The following DDX10 variants were observed in gnomAD, a reference collection of about 807,000 sequenced individuals.
DDX10 encodes the protein probable ATP-dependent RNA helicase DDX10.
A neutral mutation model predicts 104.3 loss-of-function variants in DDX10; 74 were observed. The observed-to-expected ratio is 0.71, with a 90% CI of 0.59 to 0.86. The LOEUF is 0.86. Among genes scored for constraint, DDX10 ranks in the 40% least tolerant of loss-of-function variants. The probability of loss-of-function intolerance (pLI) is 0.00; values close to 1 mark genes in which losing one functional copy is unlikely to be tolerated. For synonymous variants in DDX10, 351 were observed against 353.4 expected (o/e 0.99, Z 0.08); for missense variants, 952 against 1,040.0 (o/e 0.92, Z 1.16).
intron 17 of DDX10, among the ~76,000 whole-genome samples, chr11:108,922,896 C>T (rs1275944733): frequency 2.0e-5 from 3 of 152,192 alleles, no homozygotes; most frequent in Non-Finnish European, 4.4e-5. Flanking sequence ...CTAATCTACC[C>T]GCAGTACAGA....
At chr11:108,915,021 ATGAGACCTG>A (rs1238638668) in intron 16 of DDX10, among the ~76,000 whole-genome samples, 1 of 152,164 alleles carries the variant, frequency 6.6e-6, no homozygotes, top group African/African-American at 2.4e-5. Flanking sequence ...AACAGAACCT[ATGAGACCTG>A]TGAAGTAGTC....
chr11:108,927,796 C>T (rs749358147), intron 17 of DDX10, among the ~76,000 whole-genome samples: 10 of 152,126 alleles, frequency 6.6e-5, no homozygotes, highest in Admixed American at 6.6e-5. Context: ...CGCCACCATG[C>T]CTGGCTAATT....
intron 16 of DDX10, among the ~76,000 whole-genome samples, chr11:108,913,529 T>G (rs1223917887): frequency 2.6e-5 from 4 of 152,130 alleles, no homozygotes; most frequent in Non-Finnish European, 5.9e-5. Flanking sequence ...AGGAATATCC[T>G]TGTGGGCAAA....
chr11:108,828,586 T>G (rs1862428503), intron 13 of DDX10, among the ~76,000 whole-genome samples: 1 of 152,188 alleles, frequency 6.6e-6, no homozygotes, highest in Non-Finnish European at 1.5e-5. Context: ...TTTTCATTTT[T>G]CAGATCTGAA....
chr11:108,705,986 T>C (rs2134460888), intron 9 of DDX10, among the ~76,000 whole-genome samples: 1 of 152,242 alleles, frequency 6.6e-6, no homozygotes, highest in South Asian at 2.1e-4. Flanking sequence ...TTTCTTTTTT[T>C]TTTGAGACGG....
intron 13 of DDX10, among the ~76,000 whole-genome samples, chr11:108,773,901 AAAG>A (rs2094366543): frequency 6.6e-6 from 1 of 152,182 alleles, no homozygotes; most frequent in Non-Finnish European, 1.5e-5. Flanking sequence ...GAGAAGCATA[AAAG>A]AAGATGTCTT....
At chr11:108,833,178 G>A (rs1441989234) in intron 13 of DDX10, among the ~76,000 whole-genome samples, 2 of 152,306 alleles carry the variant, frequency 1.3e-5, no homozygotes, top group South Asian at 2.1e-4. Flanking sequence ...CAGTGTGTTA[G>A]CGTTTGCCAC....
At chr11:108,761,163 C>A (rs933862693) in intron 13 of DDX10, among the ~76,000 whole-genome samples, 1 of 152,012 alleles carries the variant, frequency 6.6e-6, no homozygotes, top group African/African-American at 2.4e-5. Flanking sequence ...TCTGCCTTTT[C>A]TTTTCCTAAT....
chr11:108,776,534 T>A (rs1301929654), intron 13 of DDX10, among the ~76,000 whole-genome samples: 1 of 152,072 alleles, frequency 6.6e-6, no homozygotes, highest in East Asian at 1.9e-4. Context: ...TACATAGAAT[T>A]CCAAGAACGG....
chr11:108,779,475 G>A (rs1196162745), intron 13 of DDX10, among the ~76,000 whole-genome samples: 26 of 150,104 alleles, frequency 1.7e-4, no homozygotes, highest in African/African-American at 6.1e-4. Context: ...TCATAGGTGG[G>A]AATTGAACAA....
chr11:108,780,907 A>C (rs1031453734), intron 13 of DDX10, among the ~76,000 whole-genome samples: 4 of 152,214 alleles, frequency 2.6e-5, no homozygotes, highest in African/African-American at 9.6e-5. Context: ...ATTGGACTAA[A>C]TGAAAAAACT....
intron 9 of DDX10, among the ~76,000 whole-genome samples, chr11:108,702,685 A>G (rs1328609007): frequency 6.6e-6 from 1 of 152,204 alleles, no homozygotes; most frequent in African/African-American, 2.4e-5. Context: ...TATTTTAACT[A>G]GAAATACTAG....
chr11:108,881,093 A>G (rs1863222101), intron 16 of DDX10, among the ~76,000 whole-genome samples: 1 of 152,222 alleles, frequency 6.6e-6, no homozygotes, highest in Non-Finnish European at 1.5e-5. Flanking sequence ...CCGTTTCTTA[A>G]TGCGTCACAT....
intron 13 of DDX10, among the ~76,000 whole-genome samples, chr11:108,750,209 A>T (rs572470214): frequency 6.6e-6 from 1 of 152,308 alleles, no homozygotes; most frequent in South Asian, 2.1e-4. Context: ...TTTGGGAAAC[A>T]ATCAGGAAAG....
At chr11:108,760,721 A>G (rs1326384636) in intron 13 of DDX10, among the ~76,000 whole-genome samples, 1 of 151,486 alleles carries the variant, frequency 6.6e-6, no homozygotes, top group Non-Finnish European at 1.5e-5. Flanking sequence ...TGTATAGGAA[A>G]GACAGTTACT....
intron 10 of DDX10, among the ~76,000 whole-genome samples, chr11:108,709,485 G>C (rs2094281114): frequency 1.3e-5 from 2 of 152,206 alleles, no homozygotes; most frequent in Non-Finnish European, 2.9e-5. Context: ...AGCCTATTGA[G>C]AGTGTTTATT....
chr11:108,818,454 T>C (rs1862283648), intron 13 of DDX10, among the ~76,000 whole-genome samples: 1 of 152,214 alleles, frequency 6.6e-6, no homozygotes, highest in Admixed American at 6.5e-5. Context: ...AAATTATGGG[T>C]GAGTTTCATA....
intron 13 of DDX10, among the ~76,000 whole-genome samples, chr11:108,796,754 G>A (rs886913130): frequency 2.6e-5 from 4 of 152,196 alleles, no homozygotes; most frequent in Admixed American, 6.5e-5. Context: ...CTGATGTGGA[G>A]GGAGGGGTTG....
intron 13 of DDX10, among the ~76,000 whole-genome samples, chr11:108,803,992 C>T (rs995231460): frequency 2.0e-5 from 3 of 152,138 alleles, no homozygotes; most frequent in Non-Finnish European, 2.9e-5. Flanking sequence ...AGGCCTGTTT[C>T]CAGGGCAATT....
Sources: allele counts gnomAD v4.1 joint callset (sites outside exome capture counted in the v4.1 genomes callset), GRCh38; gene constraint gnomAD v4.1.1; transcripts MANE v1.5; gene names NCBI Gene and HGNC (gene_info 2026-07-23, HGNC 2026-07-21).